Variants in WRN observed in about 807,000 individuals in gnomAD.
The protein encoded by WRN is WRN RecQ like helicase.
In WRN, 149 loss-of-function variants were observed where a neutral mutation model predicts 180.7. The observed-to-expected ratio is 0.82, with a 90% CI of 0.72 to 0.94. The LOEUF (loss-of-function observed/expected upper bound fraction) is 0.94. WRN is among the 40% of genes least tolerant of loss of function. The pLI is 0.00. For synonymous variants in WRN, 548 were observed against 568.9 expected (o/e 0.96, Z 0.52); for missense variants, 1,661 against 1,700.1 (o/e 0.98, Z 0.40).
intron 34 of WRN, among the ~76,000 whole-genome samples, chr8:31,168,407 G>T (rs1486227879): frequency 6.6e-6 from 1 of 151,384 alleles, no homozygotes; most frequent in African/African-American, 2.4e-5. Context: ...CACATTTGTA[G>T]TGAAATATTA....
chr8:31,113,991 G>T (rs558240975), intron 19 of WRN, among the ~76,000 whole-genome samples: 1 of 89,480 alleles, frequency 1.1e-5, no homozygotes, highest in Non-Finnish European at 2.5e-5. Flanking sequence ...TATTTAATAT[G>T]AATTTTTTTT....
At chr8:31,101,786 T>TC (rs1475396866) in intron 18 of WRN, among the ~76,000 whole-genome samples, 20 of 47,212 alleles carry the variant, frequency 4.2e-4, no homozygotes, top group Non-Finnish European at 4.5e-4. Context: ...AAACTCTGTC[T>TC]CAAAAAAAAA....
In WRN at chr8:31,147,060, G is replaced by A. The variant is rs759564734; in HGVS notation, c.3391G>A (p.Val1131Ile). Reference sequence around the variant, plus strand: ...TTCTTTTAAATATTTTAGTATCATGGTACAGTCACCAGAAAAAGCTTACAG... The same window carrying A: ...TTCTTTTAAATATTTTAGTATCATGATACAGTCACCAGAAAAAGCTTACAG... Reference protein sequence around the residue: ...GSNISKKSIMVQSPEKAYSSS... With the variant: ...GSNISKKSIMIQSPEKAYSSS... The change falls in exon 29 of 35, where the codon GTA becomes ATA. Residue 1131 changes from valine to isoleucine, a missense_variant. Val to Ile is a conservative substitution (Grantham distance 29, BLOSUM62 3). This residue lies in a region of WRN where 1,141 missense variants were observed against 1,149.4 expected (regional missense o/e 0.99). Coordinates refer to ENST00000298139, the MANE Select transcript of WRN (RefSeq NM_000553.6). The A allele has an allele frequency of 1.2e-6, 2 of 1,613,000 alleles. No individual in the cohort carries two copies. Among genetic ancestry groups the A allele is most frequent in the South Asian group, 1.1e-5 (1 of 90,990 alleles).
intron 17 of WRN, 31 bp downstream of exon 17, chr8:31,096,881 C>T: frequency 6.4e-7 from 1 of 1,559,344 alleles, no homozygotes; most frequent in Non-Finnish European, 8.8e-7. Flanking sequence ...TCTGTAAATA[C>T]TTACTGAGTT....
rs1487292951 is a variant in WRN, at chr8:31,081,222, G to C, written c.1195G>C (p.Glu399Gln). 1.9e-6 allele frequency: 3 copies of C among 1,612,950 alleles called. No homozygotes were observed. In the African/African-American group the frequency reaches 4.0e-5, roughly 22 times the overall value. ...RACLMSLDITEHELQILEQQS... is the reference protein window; with the variant it reads ...RACLMSLDITQHELQILEQQS... Reference sequence around the variant, plus strand: ...TTGTTTGATGTCGTTAGATATTACAGAACATGAACTCCAAATTTTGGAACA... The same window carrying C: ...TTGTTTGATGTCGTTAGATATTACACAACATGAACTCCAAATTTTGGAACA... Residue 399 changes from glutamate to glutamine, a missense_variant, in exon 9 of 35, where the codon GAA (glutamate) becomes CAA (glutamine). Around this residue, in one of 3 missense-constraint regions of WRN, gnomAD observed 500 missense variants for 504.1 expected, o/e 0.99. Transcript: ENST00000298139.
intron 1 of WRN, among the ~76,000 whole-genome samples, chr8:31,054,356 A>T (rs1812184934): frequency 6.6e-6 from 1 of 152,194 alleles, no homozygotes; most frequent in African/African-American, 2.4e-5. Context: ...ACTGAAAGAC[A>T]AATATATTCC....
chr8:31,149,026 A>G (rs1802981314), intron 30 of WRN, among the ~76,000 whole-genome samples: 1 of 152,192 alleles, frequency 6.6e-6, no homozygotes, highest in South Asian at 2.1e-4. Context: ...AATTGCATCC[A>G]ATAGATGTTA....
rs1563345519 is a variant in WRN at position 31,091,856 on chromosome 8, T to C, written c.1856T>C (p.Leu619Pro). ...LKMSNIPACF[L>P]GSAQSENVLT... ...ATGTCCAACATCCCAGCTTGCTTCCTTGGATCAGCACAGTCAGAAAATGTT... is the reference window on the plus strand; with the variant it reads ...ATGTCCAACATCCCAGCTTGCTTCCCTGGATCAGCACAGTCAGAAAATGTT... The change falls in exon 16 of 35, where the codon CTT becomes CCT. Residue 619 changes from leucine (L) to proline (P), a missense_variant. Transcript: ENST00000298139. 6.2e-7 allele frequency: 1 copy of C among 1,613,300 alleles called. No individual in the cohort carries two copies. The highest frequency in any genetic ancestry group is 8.5e-7 in the Non-Finnish European group (1 of 1,179,400).
intron 1 of WRN, among the ~76,000 whole-genome samples, chr8:31,052,429 C>T (rs1812111011): frequency 6.6e-6 from 1 of 151,964 alleles, no homozygotes. Context: ...GCTCTGTTGC[C>T]CAGGGTGGAG....
chr8:31,102,760 T>A (rs928804519), intron 18 of WRN, among the ~76,000 whole-genome samples: 1 of 152,232 alleles, frequency 6.6e-6, no homozygotes, highest in Non-Finnish European at 1.5e-5. Flanking sequence ...TGTACACTAC[T>A]GTAGACTTTA....
intron 16 of WRN, among the ~76,000 whole-genome samples, chr8:31,094,800 G>T (rs1260632160): frequency 6.6e-6 from 1 of 151,888 alleles, no homozygotes; most frequent in Non-Finnish European, 1.5e-5. Context: ...TACTTCATTC[G>T]GTCTTTTTTT....
intron 33 of WRN, among the ~76,000 whole-genome samples, chr8:31,159,730 A>G (rs1803535472): frequency 6.6e-6 from 1 of 152,032 alleles, no homozygotes; most frequent in South Asian, 2.1e-4. Flanking sequence ...ACTTGACTTG[A>G]GGTCAGGAGT....
chr8:31,175,865 T>C lies in WRN; in HGVS notation c.*2763T>C, dbSNP rs767835290. ...TTTTTTAAAAGTATTTATGTTAATG[T>C]GTACTTGGTTTACTACTGCTATTTT... On this transcript the variant is annotated 3_prime_UTR_variant, in exon 35 of 35. Coordinates refer to ENST00000298139, the MANE Select transcript of WRN (RefSeq NM_000553.6). Among the ~76,000 whole-genome samples, 5 of 152,232 alleles carry C rather than the reference T, an allele frequency of 3.3e-5. No individual in the cohort carries two copies. The highest frequency in any genetic ancestry group is 7.3e-5 in the Non-Finnish European group (5 of 68,046).
At chr8:31,167,279 G>T in intron 34 of WRN, 49 bp downstream of exon 34, 1 of 1,474,984 alleles carries the variant, frequency 6.8e-7, no homozygotes, top group Non-Finnish European at 9.4e-7. Context: ...TGTTCAATTT[G>T]CATATCCTAG....
chr8:31,131,957 G>T (rs1802193709), intron 23 of WRN, among the ~76,000 whole-genome samples: 2 of 105,570 alleles, frequency 1.9e-5, no homozygotes, highest in East Asian at 2.8e-4. Flanking sequence ...AAGCTGAAAG[G>T]CTTTTTTTTT....
In WRN at chr8:31,064,899, C is replaced by A; in HGVS notation, c.356-16C>A. 1 of 1,612,636 alleles carries A rather than the reference C, an allele frequency of 6.2e-7. No individual in the cohort carries two copies. Among genetic ancestry groups the A allele is most frequent in the South Asian group, 1.1e-5 (1 of 90,912 alleles). ...TACTTGACAGAACTTATGGAAATAA[C>A]AAGAAAATGTTACAGTTTTTCCCCA... On this transcript the variant is annotated splice_polypyrimidine_tract_variant and intron_variant, in intron 4 of 34. Transcript: ENST00000298139.
chr8:31,082,130 GT>G, intron 9 of WRN, among the ~76,000 whole-genome samples: 1 of 152,000 alleles, frequency 6.6e-6, no homozygotes, highest in Non-Finnish European at 1.5e-5. Context: ...TGACACTATA[GT>G]TTTACTGTCA....
At chr8:31,122,417 A>T (rs965295014) in intron 21 of WRN, among the ~76,000 whole-genome samples, 1 of 152,048 alleles carries the variant, frequency 6.6e-6, no homozygotes, top group East Asian at 1.9e-4. Flanking sequence ...TATCACTGAG[A>T]GAAGAAACTT....
intron 33 of WRN, among the ~76,000 whole-genome samples, chr8:31,158,996 A>G (rs1177906072): frequency 1.3e-5 from 2 of 152,044 alleles, no homozygotes; most frequent in African/African-American, 4.8e-5. Flanking sequence ...GTTGGTGCAT[A>G]TGGATATAAA....
Sources: gnomAD v4.1 joint callset for allele counts (sites outside exome capture counted in the v4.1 genomes callset) on GRCh38, gnomAD v4.1.1 for gene constraint, gnomAD v4.1.1 regional missense constraint, MANE v1.5 for transcripts, NCBI Gene and HGNC (gene_info 2026-07-23, HGNC 2026-07-21) for gene names.